Variants in ESCO1 observed in about 807,000 individuals in gnomAD.
ESCO1 encodes N-acetyltransferase ESCO1.
Under a neutral mutation model 83.5 loss-of-function variants are expected in ESCO1, and 33 were observed. That is an observed-to-expected ratio of 0.40 (90% CI 0.30 to 0.53). The LOEUF (loss-of-function observed/expected upper bound fraction) is 0.53, where lower values mean the gene tolerates loss of function less well. ESCO1 is among the 20% of genes least tolerant of loss of function. The pLI, the probability that ESCO1 is intolerant of heterozygous loss-of-function variation, is 0.63. For missense variants in ESCO1, 855 were observed against 968.0 expected, an observed-to-expected ratio of 0.88 and a Z score of 1.55; for synonymous variants, 332 against 324.3, an observed-to-expected ratio of 1.02 and a Z score of -0.25.
rs2038166020 is a variant in ESCO1 at position 21,560,318 on chromosome 18, T to C, written c.1953+541A>G. Reference sequence around the variant, plus strand: ...ATTTTGTACTAAAACAGATTTACTCTGTGGGAATTTTTTTTTTTTTTTTAG... The same window carrying C: ...ATTTTGTACTAAAACAGATTTACTCCGTGGGAATTTTTTTTTTTTTTTTAG... On this transcript the variant is annotated intron_variant, in intron 8 of 11. Coordinates refer to ENST00000269214, the MANE Select transcript of ESCO1 (RefSeq NM_052911.3). Among the ~76,000 whole-genome samples, 13 of 90,000 alleles carry C rather than the reference T, an allele frequency of 1.4e-4. No homozygotes were observed. The Admixed American group carries it at 2.3e-3, about 16-fold the overall frequency. 59.0% of individuals were successfully genotyped at this position (90,000 alleles called of 152,430 possible).
At chr18:21,598,023 A>G (rs549740147) in intron 1 of ESCO1, among the ~76,000 whole-genome samples, 7 of 152,218 alleles carry the variant, frequency 4.6e-5, no homozygotes, top group Non-Finnish European at 1.0e-4. Flanking sequence ...GAAAAATATG[A>G]AAGTCAGGGT....
At position 21,574,181 on chromosome 18, in the gene ESCO1, C is replaced by T. The variant is rs140469229; in HGVS notation, c.663G>A (p.Thr221=). ...TCTGAGGACACTTTTCAGATCCTTG[C>T]GTGCATTGAGAACTACAAGCACAAG... ...QTACACSSQC[T]QGSEKCPQKT... is the part of the protein sequence containing the mutation. The change falls in exon 4 of 12, where the codon ACG becomes ACA. Residue 221 remains threonine (T), a synonymous_variant. Coordinates refer to ENST00000269214, the MANE Select transcript of ESCO1 (RefSeq NM_052911.3). 607 of 1,613,770 alleles carry T rather than the reference C, an allele frequency of 3.8e-4. 1 individual carries two copies. Among genetic ancestry groups the T allele is most frequent in the Non-Finnish European group, 4.3e-4 (503 of 1,179,992 alleles).
intron 2 of ESCO1, among the ~76,000 whole-genome samples, chr18:21,582,007 G>C (rs1598475823): frequency 6.6e-6 from 1 of 151,834 alleles, no homozygotes; most frequent in East Asian, 1.9e-4. Flanking sequence ...TGGATCACTT[G>C]AGCCTGGGAG....
chr18:21,592,478 C>T (rs1267667428), intron 1 of ESCO1, among the ~76,000 whole-genome samples: 1 of 143,562 alleles, frequency 7.0e-6, no homozygotes, highest in Non-Finnish European at 1.5e-5. Flanking sequence ...GGCAGAGAGG[C>T]TCCTCACTTC....
At chr18:21,530,976 T>C (rs543992105) in intron 11 of ESCO1, among the ~76,000 whole-genome samples, 2 of 152,280 alleles carry the variant, frequency 1.3e-5, no homozygotes, top group South Asian at 2.1e-4. Flanking sequence ...GCCTTGTTTA[T>C]AGAAAATCCT....
Position 21,573,394 on chromosome 18 carries a change from G to T in ESCO1, c.1450C>A (p.His484Asn). The T allele has an allele frequency of 6.2e-7, 1 of 1,609,864 alleles. No homozygotes were observed. Among genetic ancestry groups the T allele is most frequent in the Non-Finnish European group, 8.5e-7 (1 of 1,179,190 alleles). Reference protein sequence around the residue: ...KTTERAPENCHLANEIKPSDP... With the variant: ...KTTERAPENCNLANEIKPSDP... ...GAAGGTTTTATCTCATTGGCCAAATGACAATTTTCAGGAGCCCTTTCTGTG... is the reference window on the plus strand; with the variant it reads ...GAAGGTTTTATCTCATTGGCCAAATTACAATTTTCAGGAGCCCTTTCTGTG... Residue 484 changes from histidine to asparagine, a missense_variant, in exon 4 of 12, where the codon CAT becomes AAT. This residue lies in a region of ESCO1 where 726 missense variants were observed against 699.5 expected (regional missense o/e 1.04). Transcript: ENST00000269214.
intron 1 of ESCO1, among the ~76,000 whole-genome samples, chr18:21,599,357 A>AC (rs1333152961): frequency 1.3e-5 from 2 of 152,210 alleles, no homozygotes; most frequent in Non-Finnish European, 2.9e-5. Flanking sequence ...TAAAATAATA[A>AC]CTTAAAACTT....
intron 6 of ESCO1, among the ~76,000 whole-genome samples, 174 bp from the exon 7 acceptor site, chr18:21,564,491 T>A (rs906775390): frequency 1.3e-5 from 2 of 151,740 alleles, no homozygotes; most frequent in Admixed American, 6.6e-5. Flanking sequence ...CCTGGGTTCA[T>A]GCCATTCTCC....
intron 11 of ESCO1, 152 bp downstream of exon 11, chr18:21,532,321 T>C: frequency 1.4e-6 from 1 of 706,942 alleles, no homozygotes; most frequent in Non-Finnish European, 2.2e-6. Context: ...AAAAAGTACT[T>C]ACAGATCCAA....
At chr18:21,565,025 G>A (rs970851154) in intron 6 of ESCO1, among the ~76,000 whole-genome samples, 2 of 152,002 alleles carry the variant, frequency 1.3e-5, no homozygotes, top group East Asian at 1.9e-4. Flanking sequence ...GCGGTGAGCC[G>A]AAATCACGCC....
intron 8 of ESCO1, among the ~76,000 whole-genome samples, chr18:21,549,421 G>GT (rs1418321982): frequency 3.3e-4 from 49 of 148,524 alleles, no homozygotes; most frequent in Admixed American, 1.7e-3. Flanking sequence ...AGACTTCCTT[G>GT]TTTTTTTTTT....
At chr18:21,596,008 A>G (rs1940686222) in intron 1 of ESCO1, among the ~76,000 whole-genome samples, 1 of 151,660 alleles carries the variant, frequency 6.6e-6, no homozygotes, top group Admixed American at 6.6e-5. Flanking sequence ...AAATAAATAA[A>G]AAGAATAATA....
At chr18:21,566,843 G>A (rs1179388928) in intron 5 of ESCO1, among the ~76,000 whole-genome samples, 2 of 148,744 alleles carry the variant, frequency 1.3e-5, no homozygotes, top group Admixed American at 6.7e-5. Flanking sequence ...CTGGAGGACA[G>A]AGCAAGGCTC....
Position 21,575,793 on chromosome 18 carries a change from T to G in ESCO1, c.-693-16A>C, listed in dbSNP as rs1434156606. The stretch of plus-strand genomic sequence containing the variant: ...CACACAGCACCTGAAAGAAAAAGGG[T>G]TTTTTTTAATGTTCAAAAGGACAAA... On this transcript the variant is annotated splice_polypyrimidine_tract_variant and intron_variant, in intron 2 of 11. Coordinates refer to ENST00000269214, the MANE Select transcript of ESCO1 (RefSeq NM_052911.3). 3 of 396,708 alleles carry G rather than the reference T, an allele frequency of 7.6e-6. No homozygotes were observed. Among genetic ancestry groups the G allele is most frequent in the South Asian group, 2.6e-4 (2 of 7,744 alleles). The allele number at this position is 396,708 out of a possible 1,614,324, so 24.6% of individuals were successfully genotyped here.
intron 1 of ESCO1, among the ~76,000 whole-genome samples, chr18:21,585,628 T>C (rs369480533): frequency 1.3e-5 from 2 of 152,132 alleles, no homozygotes; most frequent in African/African-American, 4.8e-5. Flanking sequence ...TTGCTACTCT[T>C]TTTCTTTTTT....
intron 8 of ESCO1, chr18:21,540,659 C>T: frequency 1.5e-6 from 2 of 1,334,042 alleles, no homozygotes; most frequent in Non-Finnish European, 2.0e-6. Context: ...AGGTAATAAA[C>T]TCTTCTTCAG....
chr18:21,553,270 A>T (rs1220480793), intron 8 of ESCO1, among the ~76,000 whole-genome samples: 1 of 152,152 alleles, frequency 6.6e-6, no homozygotes, highest in Non-Finnish European at 1.5e-5. Flanking sequence ...AGCCTGAGTG[A>T]CAGAGCACAA....
intron 7 of ESCO1, among the ~76,000 whole-genome samples, chr18:21,563,909 T>A (rs1428579874): frequency 1.7e-5 from 2 of 115,634 alleles, no homozygotes; most frequent in Non-Finnish European, 4.2e-5. Flanking sequence ...CCTGCTGGGG[T>A]GAGCAGGGTT....
At chr18:21,530,561 A>C in intron 11 of ESCO1, 71 bp from the exon 12 acceptor site, 1 of 1,400,954 alleles carries the variant, frequency 7.1e-7, no homozygotes, top group Non-Finnish European at 9.6e-7. Flanking sequence ...TCTAATCATT[A>C]AAACTGGAAT....
Sources: gnomAD v4.1 joint callset for allele counts (sites outside exome capture counted in the v4.1 genomes callset) on GRCh38, gnomAD v4.1.1 for gene constraint, gnomAD v4.1.1 regional missense constraint, MANE v1.5 for transcripts, NCBI Gene and HGNC (gene_info 2026-07-23, HGNC 2026-07-21) for gene names.